TBC1D19: variants seen among roughly 807,000 people sequenced by gnomAD.
The protein encoded by TBC1D19 is TBC1 domain family, member 19.
Under a neutral mutation model 89.0 loss-of-function variants are expected in TBC1D19, and 60 were observed. The ratio of observed to expected loss-of-function variants is 0.67; its 90% CI spans 0.55 to 0.84. The LOEUF is 0.84. Ranked by LOEUF, TBC1D19 falls within the 40% of genes least tolerant of loss-of-function variation. The pLI is 0.00. For synonymous variants in TBC1D19, 189 were observed against 199.7 expected (o/e 0.95, Z 0.45); for missense variants, 500 against 610.8 (o/e 0.82, Z 1.91).
chr4:26,656,991 C>CT lies in TBC1D19; in HGVS notation c.481-2605dup, dbSNP rs765748697. Among the ~76,000 whole-genome samples, 138 of 95,298 alleles carry CT rather than the reference C, an allele frequency of 1.4e-3. 2 individuals carry two copies. The highest frequency in any genetic ancestry group is 4.4e-3 in the African/African-American group (104 of 23,456). The allele number at this position is 95,298 out of a possible 152,430, so 62.5% of individuals were successfully genotyped here. A position where few individuals can be genotyped will look rare whatever the true frequency, so the allele number is the denominator to read the frequency against. Reference sequence around the variant, plus strand: ...TCTTCTTCTTCTTCTTCTTCTTCTTCTCCTTCTCCTTCTCCTTCTCCTTCT... The same window carrying CT: ...TCTTCTTCTTCTTCTTCTTCTTCTTCTTCCTTCTCCTTCTCCTTCTCCTTCT... On this transcript the variant is annotated intron_variant, in intron 7 of 20. Transcript: ENST00000264866.
chr4:26,727,764 C>T (rs1003211087), intron 15 of TBC1D19, among the ~76,000 whole-genome samples: 28 of 152,112 alleles, frequency 1.8e-4, no homozygotes, highest in African/African-American at 6.0e-4. Flanking sequence ...TGTTCTATAT[C>T]TTACTTATTT....
chr4:26,824,707 T>C, the TBC1D19 span, among the ~76,000 whole-genome samples: 5 of 152,202 alleles, frequency 3.3e-5, no homozygotes, highest in Non-Finnish European at 7.3e-5. Context: ...ATCATTTACT[T>C]CTTAGTATTA....
chr4:26,660,238 C>T (rs887204992), intron 8 of TBC1D19, among the ~76,000 whole-genome samples: 3 of 152,060 alleles, frequency 2.0e-5, no homozygotes, highest in African/African-American at 7.2e-5. Flanking sequence ...AATTATCACT[C>T]CTTCTTTCAA....
At chr4:26,714,062 C>T (rs185942762) in intron 13 of TBC1D19, among the ~76,000 whole-genome samples, 61 of 151,982 alleles carry the variant, frequency 4.0e-4, no homozygotes, top group Middle Eastern at 3.4e-3. Flanking sequence ...ATGAATGCAG[C>T]GGGTCAAGCA....
intron 4 of TBC1D19, among the ~76,000 whole-genome samples, chr4:26,632,403 T>A (rs909681339): frequency 2.0e-5 from 3 of 151,460 alleles, no homozygotes; most frequent in Non-Finnish European, 4.4e-5. Flanking sequence ...TAAGGAATAC[T>A]AGAGAAAGGA....
chr4:26,735,746 G>A (rs180747796), intron 16 of TBC1D19, among the ~76,000 whole-genome samples: 37 of 152,222 alleles, frequency 2.4e-4, no homozygotes, highest in African/African-American at 8.9e-4. Context: ...GTTTTAAAAT[G>A]TTGAGTTTAA....
At chr4:26,667,725 C>G (rs78444966) in intron 9 of TBC1D19, among the ~76,000 whole-genome samples, 2,312 of 151,996 alleles carry the variant, frequency 0.015, 53 homozygotes, top group African/African-American at 0.051. Context: ...AGTGCATTTT[C>G]TAGGTCCTAG....
At chr4:26,628,300 T>G (rs1453198587) in intron 4 of TBC1D19, among the ~76,000 whole-genome samples, 1 of 152,192 alleles carries the variant, frequency 6.6e-6, no homozygotes, top group Non-Finnish European at 1.5e-5. Context: ...CCTTGAAGTA[T>G]AGTTTGAAGT....
the TBC1D19 span, among the ~76,000 whole-genome samples, chr4:26,830,629 T>G: frequency 6.6e-6 from 1 of 152,170 alleles, no homozygotes; most frequent in East Asian, 1.9e-4. Flanking sequence ...CTCTCAAAGT[T>G]TTGGTTTCTG....
chr4:26,751,741 G>A (rs1338944831), intron 19 of TBC1D19, among the ~76,000 whole-genome samples: 1 of 152,144 alleles, frequency 6.6e-6, no homozygotes, highest in African/African-American at 2.4e-5. Context: ...AAAAGTGCCT[G>A]TGCTTCCCAG....
chr4:26,706,659 A>G (rs1303830005), intron 13 of TBC1D19, among the ~76,000 whole-genome samples: 1 of 152,144 alleles, frequency 6.6e-6, no homozygotes, highest in Non-Finnish European at 1.5e-5. Context: ...TTTTTAATCT[A>G]AGCCTCTATA....
At chr4:26,594,848 C>T (rs1040757994) in intron 1 of TBC1D19, among the ~76,000 whole-genome samples, 5 of 152,158 alleles carry the variant, frequency 3.3e-5, no homozygotes, top group African/African-American at 1.2e-4. Flanking sequence ...TCCAGCCTGG[C>T]GAAAGAGTGA....
the TBC1D19 span, among the ~76,000 whole-genome samples, chr4:26,784,129 C>G: frequency 1.3e-5 from 2 of 152,148 alleles, no homozygotes; most frequent in African/African-American, 4.8e-5. Flanking sequence ...TTTTCACCCT[C>G]AATAAAAACT....
At chr4:26,749,686 AT>A (rs1296943917) in intron 19 of TBC1D19, among the ~76,000 whole-genome samples, 3 of 152,046 alleles carry the variant, frequency 2.0e-5, no homozygotes, top group African/African-American at 7.2e-5. Context: ...ACCTCAAGTG[AT>A]CCACCCGCCT....
chr4:26,751,381 A>C lies in TBC1D19; in HGVS notation c.1436-2439A>C, dbSNP rs77498520. 7.6e-3 allele frequency among the ~76,000 whole-genome samples: 1,161 copies of C among 152,330 alleles called. 35 individuals carry two copies. The highest frequency in any genetic ancestry group is 0.069 in the East Asian group (359 of 5,180). ...TCAGCAACTATGTTCAATTATATAC[A>C]AAAAAGGAAGTAGTAATCATACTCT... On this transcript the variant is annotated intron_variant, in intron 19 of 20. Coordinates refer to ENST00000264866, the MANE Select transcript of TBC1D19 (RefSeq NM_018317.4).
chr4:26,806,122 TGACTCAA>T, the TBC1D19 span, among the ~76,000 whole-genome samples: 111 of 152,270 alleles, frequency 7.3e-4, no homozygotes, highest in African/African-American at 2.5e-3. Context: ...AACTTGAGCC[TGACTCAA>T]GCTTGCCAAG....
the TBC1D19 span, among the ~76,000 whole-genome samples, chr4:26,771,492 A>T: frequency 6.6e-6 from 1 of 152,188 alleles, no homozygotes; most frequent in Non-Finnish European, 1.5e-5. Flanking sequence ...TTCAGCCTTA[A>T]AAAAGAAGAA....
intron 15 of TBC1D19, among the ~76,000 whole-genome samples, chr4:26,732,608 C>G (rs1185172743): frequency 4.6e-5 from 7 of 152,290 alleles, no homozygotes; most frequent in African/African-American, 1.7e-4. Flanking sequence ...TTTCCTTTAA[C>G]CAGCCAGATG....
chr4:26,782,829 G>A, the TBC1D19 span, among the ~76,000 whole-genome samples: 6 of 149,062 alleles, frequency 4.0e-5, no homozygotes, highest in South Asian at 1.1e-3. Flanking sequence ...AGTTTTCCTT[G>A]AGAAAAAAAA....
Sources: allele counts gnomAD v4.1 joint callset (sites outside exome capture counted in the v4.1 genomes callset), GRCh38; gene constraint gnomAD v4.1.1; transcripts MANE v1.5; gene names NCBI Gene and HGNC (gene_info 2026-07-23, HGNC 2026-07-21).